Variants in EXOC6B observed in about 807,000 individuals in gnomAD.
EXOC6B encodes exocyst complex component 6B.
A neutral mutation model predicts 113.5 loss-of-function variants in EXOC6B; 54 were observed. The observed-to-expected ratio is 0.48, with a 90% CI of 0.38 to 0.60. EXOC6B has a LOEUF of 0.60. Among genes scored for constraint, EXOC6B ranks in the 20% least tolerant of loss-of-function variants. The pLI is 0.00. For synonymous variants in EXOC6B, 357 were observed against 339.0 expected, an observed-to-expected ratio of 1.05 and a Z score of -0.58; for missense variants, 797 against 977.5, an observed-to-expected ratio of 0.82 and a Z score of 2.46.
chr2:72,564,043 T>C (rs2103734533), intron 7 of EXOC6B, among the ~76,000 whole-genome samples: 1 of 152,210 alleles, frequency 6.6e-6, no homozygotes, highest in East Asian at 1.9e-4. Flanking sequence ...CAGGTAAAAA[T>C]ATGATAACTC....
intron 20 of EXOC6B, among the ~76,000 whole-genome samples, chr2:72,241,337 A>C (rs1682299625): frequency 6.6e-6 from 1 of 152,230 alleles, no homozygotes; most frequent in African/African-American, 2.4e-5. Flanking sequence ...GCAAAGAGAA[A>C]AAGTATGAAA....
intron 2 of EXOC6B, among the ~76,000 whole-genome samples, chr2:72,735,735 G>A (rs565869710): frequency 1.3e-5 from 2 of 152,008 alleles, no homozygotes; most frequent in South Asian, 2.1e-4. Context: ...AAAATCGCTT[G>A]AACCGGGTGG....
intron 6 of EXOC6B, among the ~76,000 whole-genome samples, chr2:72,601,055 T>C: frequency 6.6e-6 from 1 of 152,008 alleles, no homozygotes; most frequent in Admixed American, 6.6e-5. Flanking sequence ...TGAGAAGATT[T>C]CTAATTAAAA....
chr2:72,208,831 C>T (rs983088012), intron 20 of EXOC6B, among the ~76,000 whole-genome samples: 1 of 152,192 alleles, frequency 6.6e-6, no homozygotes, highest in South Asian at 2.1e-4. Context: ...TTTAACCTTA[C>T]AATACAGCTT....
chr2:72,741,470 C>A lies in EXOC6B; in HGVS notation c.114-1G>T. 1 of 1,594,914 alleles carries A rather than the reference C, an allele frequency of 6.3e-7. No homozygotes were observed. Among genetic ancestry groups the A allele is most frequent in the Non-Finnish European group, 8.5e-7 (1 of 1,173,904 alleles). ...ATGTTCTTCACCATCATAAACAGACCTTTAAAAAAAAATGGCACGAAGATT... is the reference window on the plus strand; with the variant it reads ...ATGTTCTTCACCATCATAAACAGACATTTAAAAAAAAATGGCACGAAGATT... On this transcript the variant is annotated splice_acceptor_variant, in intron 1 of 21. Coordinates refer to ENST00000272427, the MANE Select transcript of EXOC6B (RefSeq NM_015189.3). LOFTEE classifies it high-confidence loss of function.
At chr2:72,232,410 G>T (rs1277232765) in intron 20 of EXOC6B, among the ~76,000 whole-genome samples, 1 of 152,148 alleles carries the variant, frequency 6.6e-6, no homozygotes, top group Non-Finnish European at 1.5e-5. Context: ...TTGTTAATAT[G>T]CATAAGAGCC....
Position 72,805,562 on chromosome 2 carries a change from A to G in EXOC6B, c.113+20236T>C, listed in dbSNP as rs544072813. ...ATGCTATACAACATGATGTTTTGAT[A>G]TATGTATACATTGTGAAATGATTAA... On this transcript the variant is annotated intron_variant, in intron 1 of 21. Transcript: ENST00000272427. Among the ~76,000 whole-genome samples the G allele has an allele frequency of 3.9e-5, 6 of 152,320 alleles. No individual in the cohort carries two copies. In the South Asian group the frequency reaches 1.2e-3, roughly 32 times the overall value.
intron 18 of EXOC6B, among the ~76,000 whole-genome samples, chr2:72,405,566 G>C (rs1414685589): frequency 6.6e-6 from 1 of 152,170 alleles, no homozygotes; most frequent in Non-Finnish European, 1.5e-5. Context: ...TTACAGAAAA[G>C]AATTTTCAAC....
chr2:72,259,998 G>A lies in EXOC6B; in HGVS notation c.2196+74949C>T, dbSNP rs1229144831. ...GCCCAGAAGGTCAAGGCTGCAGTGA[G>A]CTGTGATTGCGCCACTGTACTAAAA... On this transcript the variant is annotated intron_variant, in intron 20 of 21. Transcript: ENST00000272427. Among the ~76,000 whole-genome samples the A allele has an allele frequency of 5.9e-5, 9 of 152,000 alleles. No individual in the cohort carries two copies. In the South Asian group the frequency reaches 1.2e-3, roughly 21 times the overall value.
intron 11 of EXOC6B, among the ~76,000 whole-genome samples, chr2:72,512,602 C>G (rs1220332205): frequency 6.6e-6 from 1 of 151,688 alleles, no homozygotes; most frequent in East Asian, 1.9e-4. Context: ...CAAAAGGTAA[C>G]AGTAGAACTG....
intron 18 of EXOC6B, among the ~76,000 whole-genome samples, chr2:72,436,862 G>A (rs1359231672): frequency 6.6e-6 from 1 of 152,022 alleles, no homozygotes; most frequent in African/African-American, 2.4e-5. Context: ...CTTTAGCTCA[G>A]AGGAGTTTGT....
intron 18 of EXOC6B, chr2:72,463,105 C>G (rs1177281301): frequency 6.6e-6 from 1 of 152,000 alleles, no homozygotes; most frequent in African/African-American, 2.4e-5. Flanking sequence ...TTTAAAATAT[C>G]AAACCATCCT....
At chr2:72,492,874 T>C (rs1238584643) in intron 15 of EXOC6B, among the ~76,000 whole-genome samples, 1 of 152,190 alleles carries the variant, frequency 6.6e-6, no homozygotes, top group Non-Finnish European at 1.5e-5. Flanking sequence ...TGTTTCTTGT[T>C]GTTGCTATTA....
chr2:72,688,473 C>T (rs1274040335), intron 6 of EXOC6B, among the ~76,000 whole-genome samples: 4 of 150,994 alleles, frequency 2.6e-5, no homozygotes, highest in Admixed American at 1.3e-4. Flanking sequence ...TCCTGGTGGG[C>T]AAGGAAGCTG....
At chr2:72,798,497 T>C (rs1233108923) in intron 1 of EXOC6B, among the ~76,000 whole-genome samples, 1 of 152,156 alleles carries the variant, frequency 6.6e-6, no homozygotes, top group African/African-American at 2.4e-5. Flanking sequence ...GACTCAAAAG[T>C]GCTAAGTAGC....
intron 19 of EXOC6B, among the ~76,000 whole-genome samples, chr2:72,375,954 A>C (rs1691330879): frequency 6.6e-6 from 1 of 152,160 alleles, no homozygotes; most frequent in Non-Finnish European, 1.5e-5. Context: ...CAGCCAACCA[A>C]GATGGAAGCA....
intron 6 of EXOC6B, among the ~76,000 whole-genome samples, chr2:72,686,807 A>T (rs953555169): frequency 1.3e-5 from 2 of 152,138 alleles, no homozygotes; most frequent in Non-Finnish European, 2.9e-5. Context: ...TGTCCTACAC[A>T]AATAGGGAGT....
chr2:72,632,891 G>T (rs1036040923), intron 6 of EXOC6B, among the ~76,000 whole-genome samples: 1 of 151,848 alleles, frequency 6.6e-6, no homozygotes, highest in Non-Finnish European at 1.5e-5. Flanking sequence ...CTTCAGGCTG[G>T]TCTCAACTTC....
At chr2:72,323,797 G>C (rs970965693) in intron 20 of EXOC6B, among the ~76,000 whole-genome samples, 2 of 147,418 alleles carry the variant, frequency 1.4e-5, no homozygotes, top group African/African-American at 5.0e-5. Flanking sequence ...AGAAGACATG[G>C]ACATAGGGAG....
Sources: allele counts gnomAD v4.1 joint callset (sites outside exome capture counted in the v4.1 genomes callset), GRCh38; gene constraint gnomAD v4.1.1; transcripts MANE v1.5; gene names NCBI Gene and HGNC (gene_info 2026-07-23, HGNC 2026-07-21).